SUPT3H: variants seen among roughly 807,000 people sequenced by gnomAD.
SUPT3H encodes the protein transcription initiation protein SPT3 homolog.
In SUPT3H, 44 loss-of-function variants were observed where a neutral mutation model predicts 44.3. The ratio of observed to expected loss-of-function variants is 0.99; its 90% CI spans 0.78 to 1.28. The LOEUF (loss-of-function observed/expected upper bound fraction) is 1.28, where lower values mean the gene tolerates loss of function less well. Ranked by LOEUF, SUPT3H falls within the 50% of genes most tolerant of loss-of-function variation. SUPT3H has a pLI of 0.00. For missense variants in SUPT3H, 380 were observed against 387.1 expected, an observed-to-expected ratio of 0.98 and a Z score of 0.15; for synonymous variants, 124 against 125.6, an observed-to-expected ratio of 0.99 and a Z score of 0.09.
intron 6 of SUPT3H, among the ~76,000 whole-genome samples, chr6:44,980,819 T>G (rs767223523): frequency 6.6e-6 from 1 of 152,220 alleles, no homozygotes; most frequent in East Asian, 1.9e-4. Flanking sequence ...AGCTTTAAAC[T>G]TCACTAGAGT....
At chr6:44,976,128 T>C (rs1778299398) in intron 6 of SUPT3H, among the ~76,000 whole-genome samples, 1 of 152,182 alleles carries the variant, frequency 6.6e-6, no homozygotes, top group African/African-American at 2.4e-5. Context: ...CAGAGACTGA[T>C]CTAAGCTAGA....
chr6:45,362,976 T>A (rs958398905), intron 2 of SUPT3H, among the ~76,000 whole-genome samples: 1 of 152,104 alleles, frequency 6.6e-6, no homozygotes, highest in Non-Finnish European at 1.5e-5. Flanking sequence ...TTGGTTTTTT[T>A]AATATTTTAT....
intron 3 of SUPT3H, among the ~76,000 whole-genome samples, chr6:45,059,802 C>T (rs961677121): frequency 6.6e-6 from 1 of 151,960 alleles, no homozygotes; most frequent in Non-Finnish European, 1.5e-5. Context: ...ACAACAACAA[C>T]AGGCAAGCAG....
chr6:45,170,246 AAT>A (rs1294172979), intron 2 of SUPT3H, among the ~76,000 whole-genome samples: 4 of 152,232 alleles, frequency 2.6e-5, no homozygotes, highest in Non-Finnish European at 5.9e-5. Flanking sequence ...ATCATTTCTG[AAT>A]AATTCTATAG....
intron 10 of SUPT3H, among the ~76,000 whole-genome samples, chr6:44,851,317 G>A (rs1772846888): frequency 6.6e-6 from 1 of 152,214 alleles, no homozygotes; most frequent in Admixed American, 6.5e-5. Flanking sequence ...AGAAAGTGGG[G>A]ATGTAAGAAA....
intron 3 of SUPT3H, among the ~76,000 whole-genome samples, chr6:45,060,701 G>C (rs1018728664): frequency 1.3e-5 from 2 of 152,038 alleles, no homozygotes; most frequent in Non-Finnish European, 2.9e-5. Flanking sequence ...CTATCCATGA[G>C]ATAAAGGTCT....
At chr6:45,230,483 T>C (rs1767755748) in intron 2 of SUPT3H, among the ~76,000 whole-genome samples, 1 of 151,458 alleles carries the variant, frequency 6.6e-6, no homozygotes, top group Non-Finnish European at 1.5e-5. Context: ...ATGACCATCT[T>C]TGTCTTTTTT....
intron 10 of SUPT3H, among the ~76,000 whole-genome samples, chr6:44,887,006 C>A (rs1762412808): frequency 6.6e-6 from 1 of 151,956 alleles, no homozygotes; most frequent in Admixed American, 6.6e-5. Context: ...CAACAAAGAT[C>A]AAAAGAGACA....
In SUPT3H at chr6:45,365,271, T is replaced by C; in HGVS notation, c.31A>G (p.Thr11Ala). 3 of 1,611,936 alleles carry C rather than the reference T, an allele frequency of 1.9e-6. No homozygotes were observed. Among genetic ancestry groups the C allele is most frequent in the African/African-American group, 1.3e-5 (1 of 74,872 alleles). The change falls in exon 2 of 11, where the codon ACT becomes GCT. Residue 11 changes from threonine (T) to alanine (A), a missense_variant. By Grantham distance (58) the Thr-to-Ala change is moderately conservative. Transcript: ENST00000371459. ...CTCCTTCCACTACTTGAAGTTGCAG[T>C]AGACATTGGACTAGCTGCCGTATTA... MNNTAASPMSTATSSSGRSTG... is the reference protein window; with the variant it reads MNNTAASPMSAATSSSGRSTG...
At chr6:45,191,064 A>T (rs1275477503) in intron 2 of SUPT3H, among the ~76,000 whole-genome samples, 3 of 152,114 alleles carry the variant, frequency 2.0e-5, no homozygotes, top group African/African-American at 7.2e-5. Context: ...ATACCTTGGT[A>T]TTTACTCAAA....
In SUPT3H at chr6:44,961,788, T is replaced by C; in HGVS notation, c.545A>G (p.Tyr182Cys). 1 of 1,606,238 alleles carries C rather than the reference T, an allele frequency of 6.2e-7. No individual in the cohort carries two copies. Among genetic ancestry groups the C allele is most frequent in the Non-Finnish European group, 8.5e-7 (1 of 1,178,132 alleles). Residue 182 changes from tyrosine (Y) to cysteine (C), a missense_variant, in exon 7 of 11, where the codon TAT (tyrosine) becomes TGT (cysteine). Coordinates refer to ENST00000371459, the MANE Select transcript of SUPT3H (RefSeq NM_003599.4). ...TTGTCGACTTTCACAGAATTCTGCA[T>C]ATTGAGCTGAATCCATAATTCGAGT... ...RQTRIMDSAQ[Y>C]AEFCESRQLS...
At chr6:45,204,550 A>G (rs1019837065) in intron 2 of SUPT3H, among the ~76,000 whole-genome samples, 2 of 152,190 alleles carry the variant, frequency 1.3e-5, no homozygotes, top group Non-Finnish European at 2.9e-5. Flanking sequence ...CGTTCCTTCC[A>G]CATATATTCT....
chr6:45,174,104 T>C (rs1219032244), intron 2 of SUPT3H, among the ~76,000 whole-genome samples: 1 of 152,240 alleles, frequency 6.6e-6, no homozygotes, highest in Non-Finnish European at 1.5e-5. Context: ...CTTCAGCAAC[T>C]AGGCTTCAAC....
intron 4 of SUPT3H, among the ~76,000 whole-genome samples, chr6:45,015,267 A>C (rs1429822004): frequency 6.6e-6 from 1 of 152,166 alleles, no homozygotes; most frequent in East Asian, 1.9e-4. Flanking sequence ...GGTGCGGCCT[A>C]CTATTCATGG....
intron 2 of SUPT3H, among the ~76,000 whole-genome samples, chr6:45,149,805 T>G (rs1212346460): frequency 6.6e-6 from 1 of 152,208 alleles, no homozygotes; most frequent in African/African-American, 2.4e-5. Context: ...ATTAAATAGC[T>G]AAAATATTAG....
chr6:45,361,010 T>C (rs944644552), intron 2 of SUPT3H, among the ~76,000 whole-genome samples: 12 of 152,296 alleles, frequency 7.9e-5, no homozygotes, highest in Admixed American at 1.3e-4. Context: ...CAGTGGCACA[T>C]GCCTGTAGTC....
chr6:44,841,320 A>G (rs929826225), intron 10 of SUPT3H, among the ~76,000 whole-genome samples: 1 of 152,172 alleles, frequency 6.6e-6, no homozygotes, highest in African/African-American at 2.4e-5. Flanking sequence ...TATTTGGTGA[A>G]TAGAATTTAT....
intron 1 of SUPT3H, among the ~76,000 whole-genome samples, chr6:45,370,305 C>T (rs527864000): frequency 4.6e-5 from 7 of 151,958 alleles, no homozygotes; most frequent in African/African-American, 1.4e-4. Context: ...GTGAGAGAAG[C>T]GCAGTCAAGG....
At chr6:45,218,211 T>A (rs1218800018) in intron 2 of SUPT3H, among the ~76,000 whole-genome samples, 2 of 152,020 alleles carry the variant, frequency 1.3e-5, no homozygotes, top group African/African-American at 4.8e-5. Flanking sequence ...TGTATTAATA[T>A]CAGATAAGGT....
Sources: gnomAD v4.1 joint callset for allele counts (sites outside exome capture counted in the v4.1 genomes callset) on GRCh38, gnomAD v4.1.1 for gene constraint, MANE v1.5 for transcripts, NCBI Gene and HGNC (gene_info 2026-07-23, HGNC 2026-07-21) for gene names.